The following PBRM1 variants were observed in gnomAD, a reference collection of about 807,000 sequenced individuals.
The protein encoded by PBRM1 is protein polybromo-1.
PBRM1 carries 27 observed loss-of-function variants against 194.5 expected under a neutral mutation model. That is an observed-to-expected ratio of 0.14 (90% CI 0.10 to 0.19). PBRM1 has a LOEUF of 0.19. Among genes scored for constraint, PBRM1 ranks in the 10% least tolerant of loss-of-function variants. The probability of loss-of-function intolerance (pLI) is 1.00; values close to 1 mark genes in which losing one functional copy is unlikely to be tolerated. For missense variants in PBRM1, 1,466 were observed against 2,077.2 expected, an observed-to-expected ratio of 0.71 and a Z score of 5.72; for synonymous variants, 655 against 693.2, an observed-to-expected ratio of 0.94 and a Z score of 0.87.
At chr3:52,658,365 G>A (rs2096649832) in intron 4 of PBRM1, 50 bp from the exon 6 acceptor site, 1 of 953,964 alleles carries the variant, frequency 1.0e-6, no homozygotes, top group South Asian at 1.4e-5. Context: ...ATAAAATGCT[G>A]AATATTACAT....
intron 18 of PBRM1, among the ~76,000 whole-genome samples, chr3:52,588,838 G>A (rs571431409): frequency 6.6e-6 from 1 of 152,250 alleles, no homozygotes; most frequent in Admixed American, 6.5e-5. Context: ...TTACAGGCGT[G>A]AGCCACCGCG....
At chr3:52,573,183 T>C (rs1229814599) in intron 22 of PBRM1, among the ~76,000 whole-genome samples, 1 of 152,252 alleles carries the variant, frequency 6.6e-6, no homozygotes, top group African/African-American at 2.4e-5. Flanking sequence ...ACTTCACCTT[T>C]CTGACAATAT....
intron 2 of PBRM1, among the ~76,000 whole-genome samples, chr3:52,677,407 G>A (rs1441919987): frequency 1.1e-5 from 1 of 94,666 alleles, no homozygotes; most frequent in East Asian, 2.7e-4. Flanking sequence ...ACCATGCTCG[G>A]CTTTTTTTTT....
At chr3:52,629,074 G>A in intron 11 of PBRM1, 39 bp from the exon 13 acceptor site, 2 of 1,494,920 alleles carry the variant, frequency 1.3e-6, no homozygotes, top group Non-Finnish European at 1.8e-6. Flanking sequence ...TTTCTGTCAT[G>A]AAAATTATGA....
At chr3:52,561,725 C>A (rs759060702) in intron 25 of PBRM1, 42 bp downstream of exon 27, 70 of 1,550,388 alleles carry the variant, frequency 4.5e-5, no homozygotes, top group Middle Eastern at 2.2e-4. Flanking sequence ...TCCTGAAACA[C>A]CCCCTTGCTT....
chr3:52,628,867 A>G (rs1577055231), intron 12 of PBRM1, 27 bp downstream of exon 13: 4 of 1,608,752 alleles, frequency 2.5e-6, no homozygotes, highest in East Asian at 2.2e-5. Context: ...TATATACAAC[A>G]AACTCAGCAA....
intron 5 of PBRM1, among the ~76,000 whole-genome samples, chr3:52,657,028 G>A (rs971184930): frequency 3.3e-5 from 5 of 152,222 alleles, no homozygotes; most frequent in Non-Finnish European, 5.9e-5. Context: ...CTGAACATAT[G>A]CTAAGTGAAA....
chr3:52,638,002 T>C (rs1454299871), intron 10 of PBRM1, among the ~76,000 whole-genome samples: 2 of 152,090 alleles, frequency 1.3e-5, no homozygotes, highest in South Asian at 2.1e-4. Context: ...CCCCCTCTCT[T>C]ACTAGTTAGC....
intron 12 of PBRM1, among the ~76,000 whole-genome samples, chr3:52,627,763 T>C (rs759047889): frequency 4.6e-5 from 7 of 152,324 alleles, no homozygotes; most frequent in African/African-American, 1.7e-4. Context: ...TAAAGTTTAA[T>C]GCAAGAAGTG....
chr3:52,657,440 G>A (rs1040165424), intron 5 of PBRM1, among the ~76,000 whole-genome samples: 2 of 152,078 alleles, frequency 1.3e-5, no homozygotes, highest in African/African-American at 4.8e-5. Context: ...GCTGTGAGGA[G>A]GATCTCTTGG....
At chr3:52,547,103 C>T (rs1016203953), downstream of PBRM1, 38 of 232,924 alleles carry the variant, frequency 1.6e-4, no homozygotes, top group African/African-American at 8.2e-4. Context: ...AAATAAATCA[C>T]CTCCATGCAT....
intron 2 of PBRM1, among the ~76,000 whole-genome samples, chr3:52,672,882 G>C (rs1407483827): frequency 6.6e-6 from 1 of 152,128 alleles, no homozygotes; most frequent in Admixed American, 6.5e-5. Flanking sequence ...CCTTCCATAG[G>C]AAGTTGTGTG....
chr3:52,593,820 T>C lies in PBRM1; in HGVS notation c.2780-4565A>G, dbSNP rs140929086. Reference sequence around the variant, plus strand: ...TGGTATAATTTTCCTTCTTTTGCATTTTCTGAGGATTGTTTTATGTCCAAT... The same window carrying C: ...TGGTATAATTTTCCTTCTTTTGCATCTTCTGAGGATTGTTTTATGTCCAAT... On this transcript the variant is annotated intron_variant, in intron 17 of 29. Transcript: ENST00000296302. Among the ~76,000 whole-genome samples the C allele has an allele frequency of 9.8e-5, 15 of 152,316 alleles. No homozygotes were observed. The East Asian group carries it at 2.7e-3, about 27-fold the overall frequency.
intron 22 of PBRM1, among the ~76,000 whole-genome samples, chr3:52,566,036 C>G (rs1194823625): frequency 6.7e-6 from 1 of 149,754 alleles, no homozygotes; most frequent in Non-Finnish European, 1.5e-5. Context: ...GGCGAAAGAG[C>G]GAGACTCTGT....
intron 22 of PBRM1, among the ~76,000 whole-genome samples, chr3:52,569,302 C>G (rs57246324): frequency 2.6e-5 from 4 of 151,778 alleles, no homozygotes; most frequent in African/African-American, 7.3e-5. Flanking sequence ...GCTCCGCCTC[C>G]CCGGTTCACC....
intron 10 of PBRM1, among the ~76,000 whole-genome samples, chr3:52,636,649 C>T (rs6776645): frequency 0.014 from 1,948 of 142,384 alleles, 60 homozygotes; most frequent in African/African-American, 0.049. Flanking sequence ...CCCAGCTACT[C>T]GGGAGGCTGA....
chr3:52,685,560 G>C (rs1409652752), intron 1 of PBRM1, 189 bp downstream of exon 1: 1 of 151,352 alleles, frequency 6.6e-6, no homozygotes, highest in African/African-American at 2.4e-5. Context: ...CGGCAGGTGC[G>C]ACAAGGCTAC....
intron 24 of PBRM1, 131 bp downstream of exon 26, chr3:52,563,152 C>A: frequency 1.8e-6 from 1 of 545,530 alleles, no homozygotes; most frequent in Non-Finnish European, 3.2e-6. Context: ...CTGACAAAAT[C>A]TGTTCCTTCC....
chr3:52,668,661 T>A lies in PBRM1; in HGVS notation c.237-16A>T. On this transcript the variant is annotated splice_polypyrimidine_tract_variant and intron_variant, in intron 2 of 29. Coordinates refer to ENST00000296302, the Ensembl canonical transcript of PBRM1. ...TGGTTGATTTCTGTTATAATTTAAA[T>A]TTTTTTAAAGGAGATTAATCTGAAG... 1 of 1,493,728 alleles carries A rather than the reference T, an allele frequency of 6.7e-7. No individual in the cohort carries two copies. The allele number at this position is 1,493,728 out of a possible 1,614,324, so 92.5% of individuals were successfully genotyped here. A position where few individuals can be genotyped will look rare whatever the true frequency, so the allele number is the denominator to read the frequency against.
Sources: allele counts gnomAD v4.1 joint callset (sites outside exome capture counted in the v4.1 genomes callset), GRCh38; gene constraint gnomAD v4.1.1; transcripts MANE v1.5; gene names NCBI Gene and HGNC (gene_info 2026-07-23, HGNC 2026-07-21).